IQCM: variants seen among roughly 807,000 people sequenced by gnomAD.
IQCM encodes IQ motif containing M.
Under a neutral mutation model 57.6 loss-of-function variants are expected in IQCM, and 45 were observed. That is an observed-to-expected ratio of 0.78 (90% CI 0.62 to 1.00). The LOEUF (loss-of-function observed/expected upper bound fraction) is 1.00, where lower values mean the gene tolerates loss of function less well. Ranked by LOEUF, IQCM falls within the 50% of genes least tolerant of loss-of-function variation. The pLI is 0.00. For missense variants in IQCM, 468 were observed against 511.6 expected (o/e 0.91, Z 0.82); for synonymous variants, 148 against 158.9 (o/e 0.93, Z 0.51).
chr4:149,579,512 C>T (rs939988108), intron 9 of IQCM, among the ~76,000 whole-genome samples: 6 of 151,830 alleles, frequency 4.0e-5, no homozygotes, highest in African/African-American at 9.7e-5. Context: ...GTGATGCTGA[C>T]ATTCTGATGC....
intron 13 of IQCM, among the ~76,000 whole-genome samples, chr4:149,378,645 G>A (rs979031688): frequency 6.6e-6 from 1 of 152,096 alleles, no homozygotes; most frequent in African/African-American, 2.4e-5. Flanking sequence ...TGGTGACTTG[G>A]GTGCTGTTAA....
chr4:149,437,473 TAC>T (rs1735478021), intron 12 of IQCM, among the ~76,000 whole-genome samples: 1 of 152,062 alleles, frequency 6.6e-6, no homozygotes, highest in African/African-American at 2.4e-5. Flanking sequence ...ATATGAACTC[TAC>T]ACCACCTCTA....
chr4:149,642,147 C>T (rs561730160), intron 7 of IQCM, among the ~76,000 whole-genome samples: 89 of 152,170 alleles, frequency 5.8e-4, no homozygotes, highest in Non-Finnish European at 1.0e-3. Flanking sequence ...TAATAAATGG[C>T]ACTTTGAAGA....
In IQCM at chr4:149,410,182, A is replaced by AAAAC. The variant is rs533165074; in HGVS notation, c.1390+23210_1390+23213dup. Among the ~76,000 whole-genome samples the AAAAC allele has an allele frequency of 3.1e-3, 471 of 152,136 alleles. 3 individuals carry two copies. Among genetic ancestry groups the AAAAC allele is most frequent in the Middle Eastern group, 0.01 (3 of 294 alleles). Reference sequence around the variant, plus strand: ...TGGGCTACAGAGCAAGGCTCCATTTAAAACAAACAAACAAACAAACAAACA... The same window carrying AAAAC: ...TGGGCTACAGAGCAAGGCTCCATTTAAAACAAACAAACAAACAAACAAACAAACA... On this transcript the variant is annotated intron_variant, in intron 13 of 13. Transcript: ENST00000636793.
intron 8 of IQCM, among the ~76,000 whole-genome samples, chr4:149,605,474 T>G (rs1754692051): frequency 1.3e-5 from 2 of 152,182 alleles, no homozygotes; most frequent in Admixed American, 6.5e-5. Context: ...TCTATGAGAA[T>G]AGTTGAATAT....
At chr4:149,637,155 A>C (rs1235875121) in intron 7 of IQCM, among the ~76,000 whole-genome samples, 1 of 150,410 alleles carries the variant, frequency 6.6e-6, no homozygotes, top group East Asian at 1.9e-4. Context: ...GTCTCAAAAA[A>C]AAAAAAGAAA....
chr4:149,586,095 C>A (rs1752621493), intron 9 of IQCM, among the ~76,000 whole-genome samples: 1 of 151,504 alleles, frequency 6.6e-6, no homozygotes, highest in Non-Finnish European at 1.5e-5. Context: ...TTAGTAACAT[C>A]TGTAAGGAAA....
intron 7 of IQCM, among the ~76,000 whole-genome samples, chr4:149,679,948 A>G (rs1158399608): frequency 6.6e-6 from 1 of 151,414 alleles, no homozygotes; most frequent in Non-Finnish European, 1.5e-5. Context: ...CAAAGTGTGG[A>G]CCACTCTTAA....
chr4:149,761,140 G>A (rs1343713992), intron 2 of IQCM, among the ~76,000 whole-genome samples: 32 of 152,028 alleles, frequency 2.1e-4, no homozygotes, highest in Middle Eastern at 3.2e-3. Flanking sequence ...CTAAATAAGT[G>A]TTTAGAGCCA....
chr4:149,550,553 A>G (rs1748929298), intron 11 of IQCM, among the ~76,000 whole-genome samples: 1 of 152,238 alleles, frequency 6.6e-6, no homozygotes, highest in African/African-American at 2.4e-5. Flanking sequence ...ATAATTGATA[A>G]CAGTGCCCTT....
At chr4:149,388,785 A>G (rs1731633835) in intron 13 of IQCM, among the ~76,000 whole-genome samples, 1 of 146,882 alleles carries the variant, frequency 6.8e-6, no homozygotes, top group South Asian at 2.1e-4. Context: ...ACACACACAC[A>G]CACACATATA....
At chr4:149,441,290 T>C (rs1352388003) in intron 12 of IQCM, among the ~76,000 whole-genome samples, 1 of 152,178 alleles carries the variant, frequency 6.6e-6, no homozygotes, top group Non-Finnish European at 1.5e-5. Context: ...ATAATCCATC[T>C]TGATGCATAA....
intron 12 of IQCM, among the ~76,000 whole-genome samples, chr4:149,508,496 A>C (rs1744063625): frequency 6.6e-6 from 1 of 152,182 alleles, no homozygotes; most frequent in Non-Finnish European, 1.5e-5. Context: ...TGGAGGTTTA[A>C]GATTTGACTG....
intron 12 of IQCM, among the ~76,000 whole-genome samples, chr4:149,492,312 T>C (rs1742179432): frequency 6.6e-6 from 1 of 151,916 alleles, no homozygotes; most frequent in Admixed American, 6.6e-5. Flanking sequence ...GTTACAGAAG[T>C]GGAAAGGGAA....
chr4:149,717,992 T>C (rs1328753310), intron 5 of IQCM, among the ~76,000 whole-genome samples: 4 of 152,216 alleles, frequency 2.6e-5, no homozygotes, highest in Admixed American at 6.5e-5. Context: ...TTTGTATCCA[T>C]GGGGAGTATA....
At chr4:149,764,111 A>C (rs1435211658) in intron 2 of IQCM, among the ~76,000 whole-genome samples, 1 of 152,152 alleles carries the variant, frequency 6.6e-6, no homozygotes, top group Non-Finnish European at 1.5e-5. Context: ...ACAACAACAA[A>C]TTGCCACAAA....
intron 5 of IQCM, among the ~76,000 whole-genome samples, chr4:149,694,486 C>A (rs1763186273): frequency 6.6e-6 from 1 of 151,982 alleles, no homozygotes; most frequent in South Asian, 2.1e-4. Flanking sequence ...TACATACTTC[C>A]ACTAATTCCC....
chr4:149,631,707 T>C (rs922692133), intron 7 of IQCM, among the ~76,000 whole-genome samples: 1 of 152,220 alleles, frequency 6.6e-6, no homozygotes, highest in South Asian at 2.1e-4. Flanking sequence ...CTCTTATTTC[T>C]GAATGGGCTG....
rs556689276 is a variant in IQCM, at chr4:149,443,628, T to C, written c.1229-10071A>G. ...TAAAATAGAGCGCAATAAAATTGAA[T>C]TAAAATAACTAAAGAATCAAGAAGC... On this transcript the variant is annotated intron_variant, in intron 12 of 13. Transcript: ENST00000636793. 6.5e-5 allele frequency among the ~76,000 whole-genome samples: 9 copies of C among 137,818 alleles called. No homozygotes were observed. The South Asian group carries it at 1.4e-3, about 21-fold the overall frequency. The allele number at this position is 137,818 out of a possible 152,430, so 90.4% of individuals were successfully genotyped here. A position where few individuals can be genotyped will look rare whatever the true frequency, so the allele number is the denominator to read the frequency against.
Sources: gnomAD v4.1 joint callset for allele counts (sites outside exome capture counted in the v4.1 genomes callset) on GRCh38, gnomAD v4.1.1 for gene constraint, MANE v1.5 for transcripts, NCBI Gene and HGNC (gene_info 2026-07-23, HGNC 2026-07-21) for gene names.